The following GCNT2 variants were observed in gnomAD, a reference collection of about 807,000 sequenced individuals.
The protein encoded by GCNT2 is N-acetyllactosaminide beta-1,6-N-acetylglucosaminyl-transferase.
In GCNT2, 34 loss-of-function variants were observed where a neutral mutation model predicts 34.2. That is an observed-to-expected ratio of 1.00 (90% CI 0.76 to 1.32). GCNT2 has a LOEUF of 1.32. GCNT2 is among the 40% of genes most tolerant of loss of function. The pLI is 0.00. For missense variants in GCNT2, 584 were observed against 489.4 expected (o/e 1.19, Z -1.82); for synonymous variants, 212 against 188.0 (o/e 1.13, Z -1.04).
intron 1 of GCNT2, among the ~76,000 whole-genome samples, chr6:10,525,464 A>G (rs1761139064): frequency 6.6e-6 from 1 of 152,130 alleles, no homozygotes. Context: ...TCCTCCCATT[A>G]TATCACACAA....
At chr6:10,623,156 T>C (rs974015028) in intron 4 of GCNT2, among the ~76,000 whole-genome samples, 15 of 152,306 alleles carry the variant, frequency 9.8e-5, no homozygotes, top group African/African-American at 3.6e-4. Flanking sequence ...ATGTGTCTCT[T>C]GATGGTCTCA....
chr6:10,602,528 T>G (rs1313271890), intron 3 of GCNT2, among the ~76,000 whole-genome samples: 6 of 152,240 alleles, frequency 3.9e-5, no homozygotes, highest in Non-Finnish European at 5.9e-5. Flanking sequence ...AGGCTTGCAA[T>G]AGATAGGGAC....
chr6:10,583,604 T>G (rs1034270877), intron 3 of GCNT2, among the ~76,000 whole-genome samples: 6 of 152,144 alleles, frequency 3.9e-5, no homozygotes, highest in African/African-American at 1.2e-4. Context: ...AGACCTGTGC[T>G]TTTCCTGGTT....
intron 3 of GCNT2, among the ~76,000 whole-genome samples, chr6:10,601,940 C>CAAAA (rs1554136367): frequency 1.6e-5 from 1 of 62,602 alleles, no homozygotes; most frequent in African/African-American, 9.3e-5. Flanking sequence ...GACTCCATCT[C>CAAAA]AAGAAAAAAA....
intron 1 of GCNT2, among the ~76,000 whole-genome samples, chr6:10,522,827 C>T (rs762679027): frequency 3.9e-5 from 6 of 152,100 alleles, no homozygotes; most frequent in South Asian, 2.1e-4. Flanking sequence ...AAGCCTCGGG[C>T]ACGGAGATTG....
intron 3 of GCNT2, among the ~76,000 whole-genome samples, chr6:10,568,096 G>A (rs1170700889): frequency 6.6e-6 from 1 of 152,074 alleles, no homozygotes; most frequent in Non-Finnish European, 1.5e-5. Flanking sequence ...TTTACTTCGT[G>A]GCTCTTGCAG....
At chr6:10,534,095 C>T (rs1222843849) in intron 3 of GCNT2, among the ~76,000 whole-genome samples, 2 of 146,990 alleles carry the variant, frequency 1.4e-5, no homozygotes, top group African/African-American at 2.5e-5. Flanking sequence ...CCTGTGGGTT[C>T]TACTTCCTAT....
intron 3 of GCNT2, among the ~76,000 whole-genome samples, chr6:10,590,433 A>C (rs1481467773): frequency 1.3e-5 from 2 of 150,660 alleles, no homozygotes; most frequent in Admixed American, 6.6e-5. Flanking sequence ...TAAGCTCTTC[A>C]TGTGGCATGA....
At chr6:10,617,743 ATTTCTTCT>A (rs1281606797) in intron 3 of GCNT2, among the ~76,000 whole-genome samples, 1 of 112,808 alleles carries the variant, frequency 8.9e-6, no homozygotes, top group African/African-American at 5.8e-5. Flanking sequence ...CAGAGTCTGC[ATTTCTTCT>A]TTTTTTTTTT....
At chr6:10,599,382 A>G (rs9466913) in intron 3 of GCNT2, among the ~76,000 whole-genome samples, 21,221 of 152,212 alleles carry the variant, frequency 0.14, 1,581 homozygotes, top group Middle Eastern at 0.18. Context: ...CTCTGTGTCT[A>G]CCTCAGTAAA....
intron 3 of GCNT2, among the ~76,000 whole-genome samples, chr6:10,591,570 G>A (rs1423432806): frequency 1.3e-5 from 2 of 152,198 alleles, no homozygotes. Flanking sequence ...CTGATGCCAA[G>A]AGAAAGTCAC....
chr6:10,533,044 C>T lies in GCNT2; in HGVS notation c.925+3208C>T, dbSNP rs762143186. ...AGTCCAGGCCAGGTGTGGTGGCTCACGCCTGTAATCCCAGCACTTTGGGAG... is the reference window on the plus strand; with the variant it reads ...AGTCCAGGCCAGGTGTGGTGGCTCATGCCTGTAATCCCAGCACTTTGGGAG... On this transcript the variant is annotated intron_variant, in intron 3 of 4. Transcript: ENST00000495262. 2.2e-4 allele frequency among the ~76,000 whole-genome samples: 33 copies of T among 150,898 alleles called. 1 individual carries two copies. The highest frequency in any genetic ancestry group is 4.0e-4 in the Non-Finnish European group (27 of 67,858).
chr6:10,583,710 G>C (rs933997489), intron 3 of GCNT2, among the ~76,000 whole-genome samples: 1 of 152,196 alleles, frequency 6.6e-6, no homozygotes, highest in African/African-American at 2.4e-5. Flanking sequence ...AGGGGGTTGG[G>C]TGGGAAGGAG....
intron 4 of GCNT2, among the ~76,000 whole-genome samples, chr6:10,624,284 T>C (rs1471099695): frequency 2.6e-5 from 4 of 152,168 alleles, no homozygotes; most frequent in Non-Finnish European, 5.9e-5. Context: ...AGAAGTTTAA[T>C]GGACTCACAG....
intron 3 of GCNT2, among the ~76,000 whole-genome samples, chr6:10,598,071 C>G (rs1764935378): frequency 6.6e-6 from 1 of 152,138 alleles, no homozygotes; most frequent in Non-Finnish European, 1.5e-5. Flanking sequence ...GCCTCAGTTT[C>G]CTCATGTGTA....
chr6:10,576,664 A>C (rs1375197564), intron 3 of GCNT2, among the ~76,000 whole-genome samples: 3 of 151,310 alleles, frequency 2.0e-5, no homozygotes, highest in Non-Finnish European at 4.4e-5. Context: ...TTTCAATAGG[A>C]CAGAGACAGA....
chr6:10,560,579 G>T (rs1250854000), intron 3 of GCNT2, among the ~76,000 whole-genome samples: 1 of 152,022 alleles, frequency 6.6e-6, no homozygotes, highest in African/African-American at 2.4e-5. Context: ...GGCATTTCAG[G>T]TTTCCCAAAA....
intron 3 of GCNT2, among the ~76,000 whole-genome samples, chr6:10,587,523 C>T (rs1764409932): frequency 6.6e-6 from 1 of 152,174 alleles, no homozygotes; most frequent in Non-Finnish European, 1.5e-5. Context: ...AGAGTTGGAA[C>T]ATACGGAGAG....
chr6:10,584,305 C>T (rs1263994876), intron 3 of GCNT2, among the ~76,000 whole-genome samples: 1 of 152,172 alleles, frequency 6.6e-6, no homozygotes, highest in South Asian at 2.1e-4. Flanking sequence ...ACATAAACAT[C>T]TCAGTGCAGT....
Sources: gnomAD v4.1 joint callset for allele counts (sites outside exome capture counted in the v4.1 genomes callset) on GRCh38, gnomAD v4.1.1 for gene constraint, MANE v1.5 for transcripts, NCBI Gene and HGNC (gene_info 2026-07-23, HGNC 2026-07-21) for gene names.